Variants in CNTNAP2 observed in about 807,000 individuals in gnomAD.
CNTNAP2 encodes contactin-associated protein-like 2.
Under a neutral mutation model 155.2 loss-of-function variants are expected in CNTNAP2, and 98 were observed. The observed-to-expected ratio is 0.63, with a 90% CI of 0.54 to 0.75. The LOEUF (loss-of-function observed/expected upper bound fraction) is 0.75, where lower values mean the gene tolerates loss of function less well. CNTNAP2 is among the 30% of genes least tolerant of loss of function. The pLI, the probability that CNTNAP2 is intolerant of heterozygous loss-of-function variation, is 0.00. For missense variants in CNTNAP2, 1,727 were observed against 1,688.1 expected, an observed-to-expected ratio of 1.02 and a Z score of -0.40; for synonymous variants, 651 against 631.2, an observed-to-expected ratio of 1.03 and a Z score of -0.47.
chr7:147,901,361 C>G (rs1799864548), intron 13 of CNTNAP2, among the ~76,000 whole-genome samples: 1 of 152,074 alleles, frequency 6.6e-6, no homozygotes, highest in Non-Finnish European at 1.5e-5. Context: ...GGATAAAGTT[C>G]AAACGTCTTA....
intron 13 of CNTNAP2, among the ~76,000 whole-genome samples, chr7:147,783,768 C>T (rs1483010499): frequency 1.3e-5 from 2 of 152,152 alleles, no homozygotes; most frequent in South Asian, 4.1e-4. Flanking sequence ...AGAGTTCCTT[C>T]TCCCCTTTTT....
chr7:148,331,612 CGGATGGAGTCGAT>C (rs1229085709), intron 21 of CNTNAP2, among the ~76,000 whole-genome samples: 3,211 of 90,656 alleles, frequency 0.035, no homozygotes, highest in Non-Finnish European at 0.045. Flanking sequence ...ATGGAATGGA[CGGATGGAGTCGAT>C]GGATGGAGTG....
At chr7:147,274,893 T>C (rs1724081929) in intron 8 of CNTNAP2, among the ~76,000 whole-genome samples, 1 of 152,072 alleles carries the variant, frequency 6.6e-6, no homozygotes, top group Admixed American at 6.6e-5. Context: ...CATATGGCTC[T>C]CCAATTTTCT....
At chr7:146,537,608 C>T (rs1027387222) in intron 1 of CNTNAP2, among the ~76,000 whole-genome samples, 6 of 152,040 alleles carry the variant, frequency 3.9e-5, no homozygotes, top group East Asian at 1.9e-4. Flanking sequence ...GGAGGCCTTG[C>T]GATTTTAAGT....
intron 6 of CNTNAP2, among the ~76,000 whole-genome samples, chr7:147,123,111 A>T (rs147046766): frequency 6.6e-6 from 1 of 152,046 alleles, no homozygotes; most frequent in Admixed American, 6.5e-5. Context: ...AAAGTATTTT[A>T]TCCCTCCCCC....
intron 3 of CNTNAP2, among the ~76,000 whole-genome samples, chr7:146,964,199 C>CTG (rs1405408095): frequency 4.6e-5 from 7 of 152,172 alleles, no homozygotes; most frequent in Non-Finnish European, 8.8e-5. Flanking sequence ...ATTTTGAATA[C>CTG]TGTGATCTTA....
At chr7:147,296,183 A>G (rs1433528869) in intron 8 of CNTNAP2, among the ~76,000 whole-genome samples, 2 of 152,210 alleles carry the variant, frequency 1.3e-5, no homozygotes, top group African/African-American at 4.8e-5. Context: ...TCACGTTGAT[A>G]TCTTTGAGAT....
At chr7:147,696,650 T>C (rs1408314315) in intron 13 of CNTNAP2, among the ~76,000 whole-genome samples, 1 of 152,204 alleles carries the variant, frequency 6.6e-6, no homozygotes, top group African/African-American at 2.4e-5. Flanking sequence ...TTGTTTCCTC[T>C]GAATAACTTC....
At chr7:147,700,865 G>T (rs149582329) in intron 13 of CNTNAP2, among the ~76,000 whole-genome samples, 1 of 152,078 alleles carries the variant, frequency 6.6e-6, no homozygotes, top group Admixed American at 6.6e-5. Context: ...CATTTGGCCC[G>T]CTGGGTCTCC....
intron 2 of CNTNAP2, among the ~76,000 whole-genome samples, chr7:146,815,055 T>G: frequency 6.6e-6 from 1 of 152,186 alleles, no homozygotes; most frequent in East Asian, 1.9e-4. Context: ...CAATTTAGAG[T>G]TTATTTATGA....
At chr7:147,935,275 C>T (rs995968301) in intron 14 of CNTNAP2, among the ~76,000 whole-genome samples, 10 of 151,926 alleles carry the variant, frequency 6.6e-5, no homozygotes, top group African/African-American at 1.9e-4. Context: ...TACAGGCACA[C>T]GTCACCACAC....
At chr7:147,304,857 A>G (rs1794998677) in intron 9 of CNTNAP2, among the ~76,000 whole-genome samples, 1 of 152,196 alleles carries the variant, frequency 6.6e-6, no homozygotes, top group East Asian at 1.9e-4. Flanking sequence ...GAGGTTGGGA[A>G]GTCTAAGACC....
intron 1 of CNTNAP2, among the ~76,000 whole-genome samples, chr7:146,692,021 G>A (rs1800706158): frequency 1.3e-5 from 2 of 152,072 alleles, no homozygotes; most frequent in Non-Finnish European, 2.9e-5. Context: ...AGAACTGCTA[G>A]CTTTAAAATG....
intron 13 of CNTNAP2, among the ~76,000 whole-genome samples, chr7:147,825,404 A>T (rs1399167721): frequency 1.3e-5 from 2 of 152,164 alleles, no homozygotes; most frequent in Non-Finnish European, 2.9e-5. Context: ...CTAATACCTT[A>T]TTTTACAACT....
At chr7:148,154,459 C>CTG (rs781481907) in intron 17 of CNTNAP2, among the ~76,000 whole-genome samples, 4 of 152,198 alleles carry the variant, frequency 2.6e-5, no homozygotes, top group Non-Finnish European at 5.9e-5. Flanking sequence ...CTCATACTCT[C>CTG]TGTATTCCAA....
Position 147,987,856 on chromosome 7 carries a change from C to T in CNTNAP2, c.2383+9867C>T, listed in dbSNP as rs1340886201. 4.0e-5 allele frequency among the ~76,000 whole-genome samples: 6 copies of T among 151,876 alleles called. No individual in the cohort carries two copies. The East Asian group carries it at 5.8e-4, about 15-fold the overall frequency. On this transcript the variant is annotated intron_variant, in intron 15 of 23. Transcript: ENST00000361727. Reference sequence around the variant, plus strand: ...ACTACAGGTACATGCCACCACACCCCGCTAATTTTTTTATTTTTAGTAGAG... The same window carrying T: ...ACTACAGGTACATGCCACCACACCCTGCTAATTTTTTTATTTTTAGTAGAG...
intron 1 of CNTNAP2, among the ~76,000 whole-genome samples, chr7:146,522,298 C>A (rs1797627443): frequency 6.6e-6 from 1 of 152,006 alleles, no homozygotes; most frequent in Non-Finnish European, 1.5e-5. Context: ...AACACTCTGT[C>A]ATGCTGGAGA....
At chr7:147,668,100 A>G (rs1313172988) in intron 13 of CNTNAP2, among the ~76,000 whole-genome samples, 3 of 152,134 alleles carry the variant, frequency 2.0e-5, no homozygotes, top group African/African-American at 7.2e-5. Flanking sequence ...TGAGAAATTG[A>G]CTAATGAGGA....
chr7:147,961,896 A>G (rs1164907014), intron 14 of CNTNAP2, among the ~76,000 whole-genome samples: 1 of 152,196 alleles, frequency 6.6e-6, no homozygotes, highest in Non-Finnish European at 1.5e-5. Flanking sequence ...CAAAGGGGGT[A>G]ACAACTTTAT....
Sources: gnomAD v4.1 joint callset for allele counts (sites outside exome capture counted in the v4.1 genomes callset) on GRCh38, gnomAD v4.1.1 for gene constraint, MANE v1.5 for transcripts, NCBI Gene and HGNC (gene_info 2026-07-23, HGNC 2026-07-21) for gene names.